NRCAM: variants seen among roughly 807,000 people sequenced by gnomAD.
The protein encoded by NRCAM is NgCAM-related cell adhesion molecule.
NRCAM carries 83 observed loss-of-function variants against 156.5 expected under a neutral mutation model. That is an observed-to-expected ratio of 0.53 (90% CI 0.44 to 0.64). NRCAM has a LOEUF of 0.64. Ranked by LOEUF, NRCAM falls within the 30% of genes least tolerant of loss-of-function variation. The pLI is 0.00. For missense variants in NRCAM, 1,417 were observed against 1,597.3 expected, an observed-to-expected ratio of 0.89 and a Z score of 1.92; for synonymous variants, 538 against 563.9, an observed-to-expected ratio of 0.95 and a Z score of 0.65.
intron 2 of NRCAM, among the ~76,000 whole-genome samples, chr7:108,324,349 G>A (rs2099039809): frequency 6.6e-6 from 1 of 152,254 alleles, no homozygotes; most frequent in South Asian, 2.1e-4. Context: ...TCTTATTTGA[G>A]TTACTTCATT....
intron 3 of NRCAM, among the ~76,000 whole-genome samples, chr7:108,252,390 A>T (rs2096401008): frequency 6.6e-6 from 1 of 152,250 alleles, no homozygotes; most frequent in Non-Finnish European, 1.5e-5. Context: ...ATTTTAAATA[A>T]GACTATTGTA....
chr7:108,290,215 C>T (rs1289162263), intron 3 of NRCAM, among the ~76,000 whole-genome samples: 1 of 152,096 alleles, frequency 6.6e-6, no homozygotes, highest in Non-Finnish European at 1.5e-5. Flanking sequence ...TCCTAATCTT[C>T]TTGCATACTA....
chr7:108,354,423 A>C (rs1025593488), intron 2 of NRCAM, among the ~76,000 whole-genome samples: 1 of 152,356 alleles, frequency 6.6e-6, no homozygotes, highest in Admixed American at 6.5e-5. Context: ...CTTCTACTCA[A>C]CTAAAGGCAG....
intron 12 of NRCAM, 44 bp downstream of exon 12, chr7:108,209,376 AG>A: frequency 7.8e-7 from 1 of 1,282,830 alleles, no homozygotes; most frequent in Non-Finnish European, 1.1e-6. Flanking sequence ...TTAAAGTTTC[AG>A]GGTCTCTCAT....
rs1169170305 is a variant in NRCAM at position 108,213,194 on chromosome 7, C to T, written c.891-3589G>A. Among the ~76,000 whole-genome samples the T allele has an allele frequency of 2.0e-5, 3 of 152,102 alleles. No homozygotes were observed. In the South Asian group the frequency reaches 6.2e-4, roughly 32 times the overall value. ...ACAGTCTTTTTCAGACAAACAAATG[C>T]TGAGAGAATTTGCCATTACCAAACC... On this transcript the variant is annotated intron_variant, in intron 11 of 32. Coordinates refer to ENST00000379028, the MANE Select transcript of NRCAM (RefSeq NM_001037132.4).
intron 1 of NRCAM, among the ~76,000 whole-genome samples, chr7:108,450,379 A>G (rs1340152374): frequency 6.6e-6 from 1 of 152,108 alleles, no homozygotes; most frequent in East Asian, 1.9e-4. Context: ...AAATAGGTCA[A>G]TTAAGTTGAC....
At chr7:108,185,587 C>T (rs1252967726) in intron 20 of NRCAM, among the ~76,000 whole-genome samples, 3 of 151,906 alleles carry the variant, frequency 2.0e-5, no homozygotes, top group African/African-American at 4.8e-5. Flanking sequence ...GGTGTGGTGG[C>T]GTGCACCTAT....
intron 6 of NRCAM, 39 bp downstream of exon 6, chr7:108,234,544 T>A (rs1196772643): frequency 8.4e-7 from 1 of 1,197,254 alleles, no homozygotes; most frequent in African/African-American, 1.5e-5. Flanking sequence ...ATTTCCTGAT[T>A]TATTCTCAGT....
chr7:108,225,740 G>T (rs752976824), intron 9 of NRCAM, 39 bp from the exon 10 acceptor site: 29 of 1,252,484 alleles, frequency 2.3e-5, no homozygotes, highest in Non-Finnish European at 3.2e-5. Context: ...GCATAAAAGT[G>T]GGGGAGAAGG....
chr7:108,384,465 A>G (rs1314689296), intron 2 of NRCAM, among the ~76,000 whole-genome samples: 2 of 152,296 alleles, frequency 1.3e-5, no homozygotes, highest in African/African-American at 4.8e-5. Context: ...TTGAACTTTT[A>G]AAAACCTGAA....
chr7:108,218,210 C>G (rs2090489415), intron 11 of NRCAM, among the ~76,000 whole-genome samples: 1 of 150,456 alleles, frequency 6.6e-6, no homozygotes, highest in Non-Finnish European at 1.5e-5. Context: ...CTTGCACTTC[C>G]TGAGTGAGGT....
intron 1 of NRCAM, among the ~76,000 whole-genome samples, chr7:108,401,624 G>A (rs2099793077): frequency 6.6e-6 from 1 of 152,160 alleles, no homozygotes; most frequent in Non-Finnish European, 1.5e-5. Flanking sequence ...GCCAAGAAGT[G>A]CTTTCGTTCT....
intron 2 of NRCAM, among the ~76,000 whole-genome samples, chr7:108,368,224 A>ACCCCCCCCCCCCCCCCCCCCCC (rs67897117): frequency 7.1e-4 from 65 of 91,068 alleles, no homozygotes; most frequent in East Asian, 8.7e-4. Flanking sequence ...ACACTTTCAT[A>ACCCCCCCCCCCCCCCCCCCCCC]CCCCCCCCCA....
intron 22 of NRCAM, 70 bp from the exon 23 acceptor site, chr7:108,182,990 A>G: frequency 8.0e-7 from 1 of 1,254,374 alleles, no homozygotes; most frequent in Non-Finnish European, 1.2e-6. Context: ...AGGAACAGCA[A>G]ATTCAATTCC....
At chr7:108,183,159 CA>C (rs2064443590) in intron 22 of NRCAM, among the ~76,000 whole-genome samples, 2 of 152,236 alleles carry the variant, frequency 1.3e-5, no homozygotes, top group African/African-American at 4.8e-5. Context: ...CAATAAATAT[CA>C]CATAAACCTT....
chr7:108,290,335 G>C (rs569988219), intron 3 of NRCAM, among the ~76,000 whole-genome samples: 1 of 152,184 alleles, frequency 6.6e-6, no homozygotes, highest in East Asian at 1.9e-4. Context: ...GATGTGTTGG[G>C]TGCCGTATTT....
At chr7:108,305,178 AC>A (rs2098696853) in intron 3 of NRCAM, among the ~76,000 whole-genome samples, 1 of 152,190 alleles carries the variant, frequency 6.6e-6, no homozygotes, top group Non-Finnish European at 1.5e-5. Context: ...TTTTTCAGAT[AC>A]CTTTAAAAAT....
intron 3 of NRCAM, among the ~76,000 whole-genome samples, chr7:108,241,062 A>G (rs1008601729): frequency 6.6e-6 from 1 of 152,144 alleles, no homozygotes; most frequent in African/African-American, 2.4e-5. Flanking sequence ...GATCAGTTAA[A>G]CGGTCACCTC....
In NRCAM at chr7:108,255,818, G is replaced by GC. The variant is rs1175800819; in HGVS notation, c.-106-15649dup. Reference sequence around the variant, plus strand: ...AGGTGAGGAGCGTCTCTGCCGGGCTGCCCCCTCTGAGAAGTGAGGAGCCCC... The same window carrying GC: ...AGGTGAGGAGCGTCTCTGCCGGGCTGCCCCCCTCTGAGAAGTGAGGAGCCCC... On this transcript the variant is annotated intron_variant, in intron 3 of 32. Transcript: ENST00000379028. Among the ~76,000 whole-genome samples, 6 of 149,326 alleles carry GC rather than the reference G, an allele frequency of 4.0e-5. No individual in the cohort carries two copies. In the East Asian group the frequency reaches 1.0e-3, roughly 25 times the overall value.
Sources: allele counts gnomAD v4.1 joint callset (sites outside exome capture counted in the v4.1 genomes callset), GRCh38; gene constraint gnomAD v4.1.1; transcripts MANE v1.5; gene names NCBI Gene and HGNC (gene_info 2026-07-23, HGNC 2026-07-21).